The following NOVA1 variants were observed in gnomAD, a reference collection of about 807,000 sequenced individuals.
NOVA1 encodes RNA-binding protein Nova-1.
NOVA1 carries 7 observed loss-of-function variants against 38.0 expected under a neutral mutation model. The observed-to-expected ratio is 0.18, with a 90% CI of 0.10 to 0.35. The LOEUF is 0.35. Ranked by LOEUF, NOVA1 falls within the 10% of genes least tolerant of loss-of-function variation. The pLI, the probability that NOVA1 is intolerant of heterozygous loss-of-function variation, is 1.00. For missense variants in NOVA1, 460 were observed against 616.0 expected (o/e 0.75, Z 2.68); for synonymous variants, 270 against 232.5 (o/e 1.16, Z -1.47).
intron 2 of NOVA1, among the ~76,000 whole-genome samples, chr14:26,523,748 ATTT>A (rs1182238464): frequency 9.2e-6 from 1 of 108,626 alleles, no homozygotes; most frequent in Admixed American, 9.4e-5. Context: ...CCACTTGAAG[ATTT>A]TTTTTTTTTT....
Position 26,597,795 on chromosome 14 carries a change from G to A in NOVA1, c.-359C>T. 1.5e-6 allele frequency: 1 copy of A among 669,760 alleles called. No homozygotes were observed. Among genetic ancestry groups the A allele is most frequent in the Non-Finnish European group, 1.9e-6 (1 of 536,184 alleles). The allele number at this position is 669,760 out of a possible 1,614,324, so 41.5% of individuals were successfully genotyped here. On this transcript the variant is annotated 5_prime_UTR_variant, in exon 1 of 5. Transcript: ENST00000539517. Reference sequence around the variant, plus strand: ...CGGGAGGAGGGGACCGGGGAGGACAGGCAGAGGGAGTGGGAGAGCGCGAGG... The same window carrying A: ...CGGGAGGAGGGGACCGGGGAGGACAAGCAGAGGGAGTGGGAGAGCGCGAGG...
chr14:26,596,989 T>G (rs1894233305), intron 1 of NOVA1: 1 of 1,241,558 alleles, frequency 8.1e-7, no homozygotes, highest in East Asian at 4.0e-5. Context: ...TGGACCTTCT[T>G]GCCCAGGTCT....
At chr14:26,519,406 G>T (rs1888709372) in intron 2 of NOVA1, 1 of 152,124 alleles carries the variant, frequency 6.6e-6, no homozygotes, top group South Asian at 2.1e-4. Flanking sequence ...ATGCATTAGA[G>T]AATCAACAGC....
At chr14:26,579,729 G>C (rs1398368998) in intron 2 of NOVA1, among the ~76,000 whole-genome samples, 1 of 151,934 alleles carries the variant, frequency 6.6e-6, no homozygotes, top group Non-Finnish European at 1.5e-5. Context: ...ACTTGCTAAG[G>C]AATGGAAAGG....
At chr14:26,496,230 C>A (rs1222293639) in intron 2 of NOVA1, among the ~76,000 whole-genome samples, 1 of 152,134 alleles carries the variant, frequency 6.6e-6, no homozygotes, top group East Asian at 1.9e-4. Context: ...TTTTGATTTG[C>A]ATTTCTCTGA....
rs1236681914 is a variant in NOVA1, at chr14:26,447,044, A to G, written c.*915T>C. The G allele has an allele frequency of 2.0e-5, 3 of 152,670 alleles. No homozygotes were observed. The highest frequency in any genetic ancestry group is 4.4e-5 in the Non-Finnish European group (3 of 68,052). 9.5% of individuals were successfully genotyped at this position (152,670 alleles called of 1,614,324 possible). A position where few individuals can be genotyped will look rare whatever the true frequency, so the allele number is the denominator to read the frequency against. On this transcript the variant is annotated 3_prime_UTR_variant, in exon 5 of 5. Transcript: ENST00000539517. ...ATTATAAGCTCTTAAAATGCAACAT[A>G]CTTATCAAGCAGTTGCAGATAATGA...
At chr14:26,454,204 A>G (rs994395469) in intron 4 of NOVA1, among the ~76,000 whole-genome samples, 3 of 152,208 alleles carry the variant, frequency 2.0e-5, no homozygotes, top group Non-Finnish European at 4.4e-5. Flanking sequence ...AAGTTTACGA[A>G]TTTGTGTTGG....
chr14:26,487,952 A>G (rs1175032461), intron 2 of NOVA1, among the ~76,000 whole-genome samples: 2 of 152,176 alleles, frequency 1.3e-5, no homozygotes, highest in African/African-American at 2.4e-5. Flanking sequence ...TCAATTTGTA[A>G]TTGCAGCTTT....
At chr14:26,581,125 T>C (rs1594576114) in intron 2 of NOVA1, among the ~76,000 whole-genome samples, 1 of 152,190 alleles carries the variant, frequency 6.6e-6, no homozygotes, top group African/African-American at 2.4e-5. Context: ...ATTAAAATAG[T>C]ACACCTAGTA....
chr14:26,489,949 C>T (rs1886208611), intron 2 of NOVA1, among the ~76,000 whole-genome samples: 1 of 151,594 alleles, frequency 6.6e-6, no homozygotes, highest in Non-Finnish European at 1.5e-5. Context: ...CATATACTCT[C>T]ACTATCTCTT....
intron 2 of NOVA1, among the ~76,000 whole-genome samples, chr14:26,572,787 A>G (rs74682981): frequency 0.044 from 6,216 of 140,894 alleles, 187 homozygotes; most frequent in South Asian, 0.12. Flanking sequence ...TACGTTTAAA[A>G]AAATAATACA....
intron 2 of NOVA1, among the ~76,000 whole-genome samples, chr14:26,536,530 T>G (rs1890110758): frequency 6.6e-6 from 1 of 151,420 alleles, no homozygotes; most frequent in Non-Finnish European, 1.5e-5. Flanking sequence ...TAAAAAAAAT[T>G]TAAAAAGATA....
intron 2 of NOVA1, chr14:26,592,947 T>C (rs1170549842): frequency 6.6e-6 from 1 of 151,596 alleles, no homozygotes; most frequent in African/African-American, 2.4e-5. Context: ...TTTGAGAAAA[T>C]CCATTAGGTT....
intron 2 of NOVA1, among the ~76,000 whole-genome samples, chr14:26,521,246 T>G (rs1328747697): frequency 1.3e-5 from 2 of 152,008 alleles, no homozygotes; most frequent in African/African-American, 4.8e-5. Flanking sequence ...AAAACTGACA[T>G]GTTAATATAT....
rs781208774 is a variant in NOVA1, at chr14:26,448,774, T to C, written c.709A>G (p.Ile237Val). The stretch of plus-strand genomic sequence containing the variant: ...GGATCCTCTTGTATCTTCTGGATGA[T>C]AAGTTCAACAGCTTTTCGGTTTTGT... ...PEQNRKAVELIIQKIQEDPQS... is the reference protein window; with the variant it reads ...PEQNRKAVELVIQKIQEDPQS... Residue 237 changes from isoleucine (I) to valine (V), a missense_variant, in exon 5 of 5, where the codon ATC (isoleucine) becomes GTC (valine). Ile to Val is a conservative substitution (Grantham distance 29). Coordinates refer to ENST00000539517, the MANE Select transcript of NOVA1 (RefSeq NM_002515.3). This position sits in a 1 kb window ranked among gnomAD's most constrained non-coding sequence, Gnocchi z 5.3. 3.7e-6 allele frequency: 6 copies of C among 1,614,184 alleles called. No individual in the cohort carries two copies. The East Asian group carries it at 1.1e-4, about 30-fold the overall frequency.
chr14:26,460,900 T>A (rs1290384404), intron 4 of NOVA1, among the ~76,000 whole-genome samples: 1 of 152,152 alleles, frequency 6.6e-6, no homozygotes, highest in Non-Finnish European at 1.5e-5. Flanking sequence ...TTTATATGGC[T>A]TTGCTTGAAA....
chr14:26,472,055 C>T (rs1382017385), intron 4 of NOVA1: 7 of 426,158 alleles, frequency 1.6e-5, no homozygotes, highest in Admixed American at 8.3e-5. Flanking sequence ...GGCTTCAGTG[C>T]TCCATTAGGT....
chr14:26,477,297 G>T (rs1885064560), intron 3 of NOVA1, among the ~76,000 whole-genome samples: 2 of 152,052 alleles, frequency 1.3e-5, no homozygotes, highest in African/African-American at 4.8e-5. Context: ...ATCTTACTTT[G>T]ATTTTTTTTA....
At chr14:26,475,155 T>C (rs1351350378) in intron 3 of NOVA1, among the ~76,000 whole-genome samples, 3 of 152,080 alleles carry the variant, frequency 2.0e-5, no homozygotes, top group Non-Finnish European at 4.4e-5. Context: ...GCAATATAAA[T>C]GTACAAGTTG....
Sources: gnomAD v4.1 joint callset for allele counts (sites outside exome capture counted in the v4.1 genomes callset) on GRCh38, gnomAD v4.1.1 for gene constraint, Gnocchi (gnomAD v3.1) non-coding constraint, MANE v1.5 for transcripts, NCBI Gene and HGNC (gene_info 2026-07-23, HGNC 2026-07-21) for gene names.